The following INSR variants were observed in gnomAD, a reference collection of about 807,000 sequenced individuals.
The protein encoded by INSR is IR.
INSR carries 67 observed loss-of-function variants against 142.6 expected under a neutral mutation model. That is an observed-to-expected ratio of 0.47 (90% CI 0.39 to 0.58). The LOEUF is 0.58. Ranked by LOEUF, INSR falls within the 20% of genes least tolerant of loss-of-function variation. The pLI is 0.00. For missense variants in INSR, 1,248 were observed against 1,833.2 expected (o/e 0.68, Z 5.83); for synonymous variants, 756 against 743.1 (o/e 1.02, Z -0.28).
rs973904881 is a variant in INSR, at chr19:7,280,997, C to G, written c.100+12795G>C. Among the ~76,000 whole-genome samples, 4 of 152,170 alleles carry G rather than the reference C, an allele frequency of 2.6e-5. No homozygotes were observed. In the South Asian group the frequency reaches 8.3e-4, roughly 32 times the overall value. On this transcript the variant is annotated intron_variant, in intron 1 of 21. Coordinates refer to ENST00000302850, the MANE Select transcript of INSR (RefSeq NM_000208.4). ...CCTGTGTCCCACAGCCACCCGGACA[C>G]CAACACCTTCTGTGAACTCTGGAAT...
At chr19:7,270,891 TC>T (rs1967906439) in intron 1 of INSR, among the ~76,000 whole-genome samples, 1 of 151,844 alleles carries the variant, frequency 6.6e-6, no homozygotes, top group East Asian at 1.9e-4. Context: ...AAACTCCGTC[TC>T]TACTAAAAAA....
intron 2 of INSR, among the ~76,000 whole-genome samples, chr19:7,214,888 TTCCC>T (rs1309699292): frequency 7.0e-6 from 1 of 143,170 alleles, no homozygotes; most frequent in Admixed American, 7.0e-5. Context: ...TCCTTCCTTG[TTCCC>T]TCCCTTTTTT....
chr19:7,121,382 G>T (rs930284446), intron 19 of INSR, among the ~76,000 whole-genome samples: 5 of 152,176 alleles, frequency 3.3e-5, no homozygotes, highest in Admixed American at 6.5e-5. Flanking sequence ...GAGATGACTT[G>T]CTGTGACACG....
chr19:7,140,064 C>G lies in INSR; in HGVS notation c.2682+1613G>C, dbSNP rs550956154. Among the ~76,000 whole-genome samples, 922 of 152,200 alleles carry G rather than the reference C, an allele frequency of 6.1e-3. 8 individuals carry two copies. The highest frequency in any genetic ancestry group is 0.024 in the Middle Eastern group (7 of 294). ...GCTGGTCTTGAACTCCTGACCTCAACCCTGTTGCACATTCTTTACAATGCT... is the reference window on the plus strand; with the variant it reads ...GCTGGTCTTGAACTCCTGACCTCAAGCCTGTTGCACATTCTTTACAATGCT... On this transcript the variant is annotated intron_variant, in intron 13 of 21. Transcript: ENST00000302850.
At chr19:7,205,714 C>A (rs568556340) in intron 2 of INSR, among the ~76,000 whole-genome samples, 1 of 152,154 alleles carries the variant, frequency 6.6e-6, no homozygotes, top group South Asian at 2.1e-4. Context: ...ACACCCCCCA[C>A]GCCCATCTCT....
intron 11 of INSR, among the ~76,000 whole-genome samples, chr19:7,148,980 T>G (rs552433561): frequency 6.0e-5 from 9 of 151,204 alleles, no homozygotes; most frequent in African/African-American, 2.2e-4. Flanking sequence ...TTTCTTGTAG[T>G]AACGGGGTTT....
rs1271674176 is a variant in INSR, at chr19:7,192,150, GAA to G, written c.653-7515_653-7514del. ...AGAAAGAAGAAAGATAAGAGAGAGA[GAA>G]AGAGAAAGAAAAAGAAAGACAGAGA... On this transcript the variant is annotated intron_variant, in intron 2 of 21. Coordinates refer to ENST00000302850, the MANE Select transcript of INSR (RefSeq NM_000208.4). This position sits in a 1 kb window ranked among gnomAD's most constrained non-coding sequence, Gnocchi z 4.2. Among the ~76,000 whole-genome samples the G allele has an allele frequency of 7.4e-6, 1 of 135,046 alleles. No homozygotes were observed. The highest frequency in any genetic ancestry group is 1.6e-5 in the Non-Finnish European group (1 of 63,684). The allele number at this position is 135,046 out of a possible 152,430, so 88.6% of individuals were successfully genotyped here.
chr19:7,161,069 ATAT>A (rs1247838522), intron 9 of INSR, among the ~76,000 whole-genome samples: 2 of 149,728 alleles, frequency 1.3e-5, no homozygotes, highest in Non-Finnish European at 3.0e-5. Flanking sequence ...GAGACTTTAA[ATAT>A]TATTCCATTT....
intron 3 of INSR, among the ~76,000 whole-genome samples, chr19:7,179,810 T>G (rs575058928): frequency 2.5e-4 from 38 of 152,210 alleles, no homozygotes; most frequent in African/African-American, 8.7e-4. Context: ...GCTTTCCCAG[T>G]GGGAAATTAT....
chr19:7,266,368 A>AAAACTAG (rs1967725593), intron 2 of INSR, among the ~76,000 whole-genome samples: 1 of 150,424 alleles, frequency 6.6e-6, no homozygotes, highest in African/African-American at 2.5e-5. Context: ...TCTCTTTGTG[A>AAAACTAG]AAACTAGAAA....
chr19:7,197,928 T>A (rs866582177), intron 2 of INSR, among the ~76,000 whole-genome samples: 137 of 146,710 alleles, frequency 9.3e-4, no homozygotes, highest in African/African-American at 1.1e-3. Context: ...AGTGTGTGTG[T>A]GTGTGTGTGT....
intron 2 of INSR, among the ~76,000 whole-genome samples, chr19:7,215,761 G>C (rs1251203531): frequency 1.3e-5 from 2 of 151,536 alleles, no homozygotes; most frequent in Admixed American, 6.6e-5. Context: ...TAGAGACAGG[G>C]TTTTACCATG....
chr19:7,140,643 G>C (rs1327561288), intron 13 of INSR, among the ~76,000 whole-genome samples: 2 of 152,106 alleles, frequency 1.3e-5, no homozygotes, highest in Non-Finnish European at 2.9e-5. Flanking sequence ...TCAGTCCCAA[G>C]AGGTATATTA....
intron 13 of INSR, among the ~76,000 whole-genome samples, chr19:7,137,200 C>T (rs999836058): frequency 2.0e-5 from 3 of 151,620 alleles, no homozygotes; most frequent in Non-Finnish European, 4.4e-5. Flanking sequence ...ACAAAATTCT[C>T]TCTAGCATGT....
Position 7,192,312 on chromosome 19 carries a change from A to AAAAGAAAAGAAAAG in INSR, c.653-7676_653-7675insCTTTTCTTTTCTTT, listed in dbSNP as rs1411887779. Among the ~76,000 whole-genome samples the AAAAGAAAAGAAAAG allele has an allele frequency of 7.0e-6, 1 of 143,178 alleles. No individual in the cohort carries two copies. The highest frequency in any genetic ancestry group is 1.6e-5 in the Non-Finnish European group (1 of 64,398). 93.9% of individuals were successfully genotyped at this position (143,178 alleles called of 152,430 possible). ...GAAAAGAAAAGAAAAGAAAAGAAAA[A>AAAAGAAAAGAAAAG]AATCACAGGCAGCCCAGGCTGGGGA... On this transcript the variant is annotated intron_variant, in intron 2 of 21. Transcript: ENST00000302850. The surrounding 1 kb of genome is among the most constrained non-coding windows in gnomAD (Gnocchi z 4.2).
intron 17 of INSR, among the ~76,000 whole-genome samples, chr19:7,124,616 T>A (rs1315477795): frequency 1.5e-5 from 1 of 68,106 alleles, no homozygotes; most frequent in Non-Finnish European, 2.6e-5. Context: ...TATATATATA[T>A]ATATATATAT....
intron 2 of INSR, among the ~76,000 whole-genome samples, chr19:7,219,585 A>AGGG (rs1975547804): frequency 8.9e-6 from 1 of 112,540 alleles, no homozygotes; most frequent in Non-Finnish European, 1.8e-5. Context: ...GAAGGGAGGG[A>AGGG]AGAGAGAGAG....
At position 7,112,548 on chromosome 19, in the gene INSR, A is replaced by G. The variant is rs949104196; in HGVS notation, c.*4508T>C. 1.3e-5 allele frequency: 2 copies of G among 152,194 alleles called. No homozygotes were observed. The highest frequency in any genetic ancestry group is 2.9e-5 in the Non-Finnish European group (2 of 68,032). The allele number at this position is 152,194 out of a possible 1,614,324, so 9.4% of individuals were successfully genotyped here. A position where few individuals can be genotyped will look rare whatever the true frequency, so the allele number is the denominator to read the frequency against. ...GAAGCAACTTTCAGGCAAAGTGTAAAGACTAAACAAGCTGTTCCTGAATAT... is the reference window on the plus strand; with the variant it reads ...GAAGCAACTTTCAGGCAAAGTGTAAGGACTAAACAAGCTGTTCCTGAATAT... On this transcript the variant is annotated 3_prime_UTR_variant, in exon 22 of 22. Coordinates refer to ENST00000302850, the MANE Select transcript of INSR (RefSeq NM_000208.4).
At chr19:7,268,677 A>T (rs1967815496) in intron 1 of INSR, 1 of 847,864 alleles carries the variant, frequency 1.2e-6, no homozygotes, top group South Asian at 5.4e-5. Flanking sequence ...CAGGGCAAGC[A>T]CTCAAACAGT....
Sources: allele counts gnomAD v4.1 joint callset (sites outside exome capture counted in the v4.1 genomes callset), GRCh38; gene constraint gnomAD v4.1.1; non-coding constraint Gnocchi (gnomAD v3.1); transcripts MANE v1.5; gene names NCBI Gene and HGNC (gene_info 2026-07-23, HGNC 2026-07-21).